KLRG1: variants seen among roughly 807,000 people sequenced by gnomAD.
KLRG1 encodes killer cell lectin-like receptor subfamily G member 1.
Under a neutral mutation model 21.8 loss-of-function variants are expected in KLRG1, and 16 were observed. The observed-to-expected ratio is 0.73, with a 90% CI of 0.50 to 1.11. The LOEUF is 1.11. Among genes scored for constraint, KLRG1 ranks in the 50% most tolerant of loss-of-function variants. The pLI is 0.00. For missense variants in KLRG1, 173 were observed against 218.3 expected (o/e 0.79, Z 1.31); for synonymous variants, 69 against 75.9 (o/e 0.91, Z 0.47).
At chr12:9,009,186 G>C in intron 4 of KLRG1, 111 bp downstream of exon 4, 1 of 843,262 alleles carries the variant, frequency 1.2e-6, no homozygotes, top group Non-Finnish European at 1.8e-6. Flanking sequence ...AGGAAAGAAT[G>C]AAAAGGAGAG....
the KLRG1 span, chr12:9,169,328 G>A: frequency 3.1e-5 from 35 of 1,142,718 alleles, 1 homozygote; most frequent in African/African-American, 3.2e-4. Context: ...GAAAAATGGA[G>A]AGGCAAGGCT....
At chr12:9,126,988 G>C in the KLRG1 span, among the ~76,000 whole-genome samples, 10 of 152,320 alleles carry the variant, frequency 6.6e-5, no homozygotes, top group East Asian at 1.9e-3. Flanking sequence ...CGGTCTATGA[G>C]TAAAAGCTCT....
the KLRG1 span, chr12:9,127,810 G>A: frequency 4.5e-6 from 1 of 222,480 alleles, no homozygotes. Context: ...CAAGGTGCGG[G>A]CTCTGGAGGA....
the KLRG1 span, chr12:9,072,628 G>A: frequency 6.2e-7 from 1 of 1,611,436 alleles, no homozygotes; most frequent in Non-Finnish European, 8.5e-7. Context: ...CATCTGTCCT[G>A]TCCTCACCTG....
chr12:9,109,189 A>C, the KLRG1 span: 1 of 637,792 alleles, frequency 1.6e-6, no homozygotes, highest in Admixed American at 2.7e-5. Context: ...AACATTCTAC[A>C]GATGAGGATG....
At chr12:9,126,413 A>T in the KLRG1 span, among the ~76,000 whole-genome samples, 1 of 152,218 alleles carries the variant, frequency 6.6e-6, no homozygotes, top group African/African-American at 2.4e-5. Flanking sequence ...TTTTGAGAGG[A>T]AAACTTGAGT....
At chr12:9,038,176 G>A in the KLRG1 span, among the ~76,000 whole-genome samples, 1,277 of 152,222 alleles carry the variant, frequency 8.4e-3, 6 homozygotes, top group Non-Finnish European at 0.013. Context: ...CTGGAGACTC[G>A]CTTGAGCTCA....
At chr12:9,208,093 A>G in the KLRG1 span, among the ~76,000 whole-genome samples, 1 of 152,176 alleles carries the variant, frequency 6.6e-6, no homozygotes, top group South Asian at 2.1e-4. Context: ...GATTTCAAGA[A>G]TAGAGGATAA....
At chr12:9,211,068 T>C in the KLRG1 span, among the ~76,000 whole-genome samples, 1 of 152,158 alleles carries the variant, frequency 6.6e-6, no homozygotes, top group African/African-American at 2.4e-5. Flanking sequence ...GACAAATAAC[T>C]CTCCAGAATG....
chr12:9,120,852 C>CGTGTGTGTGTGTGTGTGTGTGTGTGT, the KLRG1 span, among the ~76,000 whole-genome samples: 2 of 143,408 alleles, frequency 1.4e-5, no homozygotes, highest in African/African-American at 2.6e-5. Context: ...ATCCCACTAA[C>CGTGTGTGTGTGTGTGTGTGTGTGTGT]GTGTGTGTGT....
intron 1 of KLRG1, among the ~76,000 whole-genome samples, chr12:8,977,014 G>A (rs941816879): frequency 6.6e-6 from 1 of 152,134 alleles, no homozygotes; most frequent in Non-Finnish European, 1.5e-5. Context: ...GCCTCCCAAA[G>A]TGCTGGGATT....
At chr12:9,095,415 C>T in the KLRG1 span, 2 of 910,018 alleles carry the variant, frequency 2.2e-6, no homozygotes, top group Non-Finnish European at 3.2e-6. Context: ...GTAGAGAAGC[C>T]ACTTACCTCT....
At chr12:9,090,556 T>C in the KLRG1 span, 10 of 1,514,906 alleles carry the variant, frequency 6.6e-6, no homozygotes, top group South Asian at 2.4e-5. Context: ...GTAAAGCATC[T>C]TGAGGAATTG....
chr12:9,009,786 T>A lies in KLRG1; in HGVS notation c.*249T>A. ...AGCAAATTTTGAAATAGATGTTTGT[T>A]TTTTGTATTTCTCAGTATGGAAACT... On this transcript the variant is annotated 3_prime_UTR_variant, in exon 5 of 5. Transcript: ENST00000356986. 7.1e-7 allele frequency: 1 copy of A among 1,414,958 alleles called. No individual in the cohort carries two copies. Among genetic ancestry groups the A allele is most frequent in the Non-Finnish European group, 9.2e-7 (1 of 1,090,852 alleles). The allele number at this position is 1,414,958 out of a possible 1,614,324, so 87.7% of individuals were successfully genotyped here.
chr12:9,013,898 G>A (rs963820302), downstream of KLRG1, among the ~76,000 whole-genome samples: 2 of 152,052 alleles, frequency 1.3e-5, no homozygotes, highest in African/African-American at 4.8e-5. Flanking sequence ...ACTTAACAAA[G>A]AGAACAAAAA....
the KLRG1 span, chr12:9,079,217 A>C: frequency 5.0e-6 from 8 of 1,589,878 alleles, no homozygotes; most frequent in South Asian, 4.4e-5. Flanking sequence ...ACACAAAAAG[A>C]AGCTCAAAAA....
the KLRG1 span, among the ~76,000 whole-genome samples, chr12:9,051,204 G>A: frequency 6.2e-4 from 94 of 152,186 alleles, no homozygotes; most frequent in Non-Finnish European, 4.7e-4. Flanking sequence ...GACTCAATGG[G>A]AAGACCAGCT....
At chr12:9,129,022 G>GA in the KLRG1 span, among the ~76,000 whole-genome samples, 4 of 152,126 alleles carry the variant, frequency 2.6e-5, no homozygotes, top group African/African-American at 7.2e-5. Context: ...GCTTGCTTTT[G>GA]AATGTTACCA....
In KLRG1 at chr12:9,009,485, C is replaced by T; in HGVS notation, c.518C>T (p.Ala173Val). ...CGAINKNGLQASSCEVPLHWV... is the reference protein window; with the variant it reads ...CGAINKNGLQVSSCEVPLHWV... ...GCCATCAACAAAAATGGTCTTCAAG[C>T]CTCAAGCTGTGAAGTTCCTTTACAC... Residue 173 changes from alanine (A) to valine (V), a missense_variant, in exon 5 of 5, where the codon GCC becomes GTC. By Grantham distance (64) the Ala-to-Val change is moderately conservative. Coordinates refer to ENST00000356986, the MANE Select transcript of KLRG1 (RefSeq NM_005810.4). 6.2e-7 allele frequency: 1 copy of T among 1,613,954 alleles called. No homozygotes were observed. Among genetic ancestry groups the T allele is most frequent in the East Asian group, 2.2e-5 (1 of 44,840 alleles).
Sources: gnomAD v4.1 joint callset for allele counts (sites outside exome capture counted in the v4.1 genomes callset) on GRCh38, gnomAD v4.1.1 for gene constraint, MANE v1.5 for transcripts, NCBI Gene and HGNC (gene_info 2026-07-23, HGNC 2026-07-21) for gene names.